CLSTN2: variants seen among roughly 807,000 people sequenced by gnomAD.
The protein encoded by CLSTN2 is calsyntenin 2.
Under a neutral mutation model 101.2 loss-of-function variants are expected in CLSTN2, and 48 were observed. The ratio of observed to expected loss-of-function variants is 0.47; its 90% CI spans 0.38 to 0.60. The LOEUF (loss-of-function observed/expected upper bound fraction) is 0.60, where lower values mean the gene tolerates loss of function less well. CLSTN2 is among the 20% of genes least tolerant of loss of function. The pLI is 0.00. For synonymous variants in CLSTN2, 481 were observed against 463.6 expected (o/e 1.04, Z -0.48); for missense variants, 1,160 against 1,238.2 (o/e 0.94, Z 0.95).
At chr3:140,556,053 A>G (rs569134132) in intron 10 of CLSTN2, among the ~76,000 whole-genome samples, 1 of 152,334 alleles carries the variant, frequency 6.6e-6, no homozygotes, top group Non-Finnish European at 1.5e-5. Context: ...TGAAGGTTGG[A>G]AGCTAAGAAG....
intron 2 of CLSTN2, among the ~76,000 whole-genome samples, chr3:140,353,831 T>C (rs1373782318): frequency 6.6e-6 from 1 of 152,230 alleles, no homozygotes; most frequent in Non-Finnish European, 1.5e-5. Flanking sequence ...ATATGAATGC[T>C]AGGTGGTGTT....
At chr3:140,469,760 G>T (rs1004367091) in intron 8 of CLSTN2, among the ~76,000 whole-genome samples, 2 of 152,144 alleles carry the variant, frequency 1.3e-5, no homozygotes, top group Non-Finnish European at 2.9e-5. Flanking sequence ...GTAAATGTTT[G>T]CATAACAGTG....
chr3:140,560,843 C>T (rs1935897703), intron 12 of CLSTN2, among the ~76,000 whole-genome samples: 1 of 152,096 alleles, frequency 6.6e-6, no homozygotes, highest in Admixed American at 6.5e-5. Context: ...TGTGGGAAGG[C>T]CATTGAAATA....
At position 139,935,747 on chromosome 3, in the gene CLSTN2, G is replaced by C. The variant is rs1935008943; in HGVS notation, c.109+264G>C. Among the ~76,000 whole-genome samples the C allele has an allele frequency of 6.6e-6, 1 of 151,896 alleles. No individual in the cohort carries two copies. The highest frequency in any genetic ancestry group is 2.4e-5 in the African/African-American group (1 of 41,348). ...TCTGGGGAGTACGGACAACTTTGAG[G>C]GCTGTCTGTGCCGGGGTGGGAGCGC... is the stretch of plus-strand genomic sequence containing the variant. On this transcript the variant is annotated intron_variant, in intron 1 of 16. Coordinates refer to ENST00000458420, the MANE Select transcript of CLSTN2 (RefSeq NM_022131.3). This position sits in a 1 kb window ranked among gnomAD's most constrained non-coding sequence, Gnocchi z 5.5.
chr3:140,522,653 C>T (rs1935055523), intron 8 of CLSTN2, among the ~76,000 whole-genome samples: 1 of 152,222 alleles, frequency 6.6e-6, no homozygotes, highest in Admixed American at 6.5e-5. Context: ...TCACCTCCAG[C>T]CACACATCTT....
intron 1 of CLSTN2, among the ~76,000 whole-genome samples, chr3:140,055,832 A>G (rs1420815374): frequency 2.0e-5 from 3 of 152,212 alleles, no homozygotes; most frequent in Non-Finnish European, 2.9e-5. Context: ...TAATGTGTAA[A>G]AGAAGAAAGG....
At chr3:140,036,592 T>A (rs1056998408) in intron 1 of CLSTN2, among the ~76,000 whole-genome samples, 38 of 152,254 alleles carry the variant, frequency 2.5e-4, no homozygotes, top group African/African-American at 8.7e-4. Flanking sequence ...CATTTGGATT[T>A]TCACTTTAAG....
intron 2 of CLSTN2, among the ~76,000 whole-genome samples, chr3:140,211,831 G>A (rs1049913726): frequency 1.3e-5 from 2 of 152,030 alleles, no homozygotes; most frequent in African/African-American, 4.8e-5. Context: ...AGAAAAAGAA[G>A]GAAAGAAAGA....
intron 8 of CLSTN2, among the ~76,000 whole-genome samples, chr3:140,504,912 A>C (rs1934656609): frequency 6.6e-6 from 1 of 152,186 alleles, no homozygotes; most frequent in Non-Finnish European, 1.5e-5. Context: ...GCTTTATATG[A>C]GACCAAAACT....
At chr3:140,259,632 C>T (rs534556598) in intron 2 of CLSTN2, among the ~76,000 whole-genome samples, 4 of 152,248 alleles carry the variant, frequency 2.6e-5, no homozygotes, top group African/African-American at 7.2e-5. Context: ...AGCCTTCCCT[C>T]CCACCTTTTC....
At chr3:139,985,755 T>C (rs1345868819) in intron 1 of CLSTN2, among the ~76,000 whole-genome samples, 3 of 152,178 alleles carry the variant, frequency 2.0e-5, no homozygotes, top group Non-Finnish European at 4.4e-5. Flanking sequence ...GTATTCAAGG[T>C]CTGGTTGCCA....
chr3:140,137,619 G>T (rs945056197), intron 1 of CLSTN2, among the ~76,000 whole-genome samples: 1 of 152,164 alleles, frequency 6.6e-6, no homozygotes, highest in Non-Finnish European at 1.5e-5. Flanking sequence ...ATTTGAATGT[G>T]TTTGGCATTG....
chr3:140,485,010 T>C (rs1188923392), intron 8 of CLSTN2, among the ~76,000 whole-genome samples: 1 of 152,222 alleles, frequency 6.6e-6, no homozygotes, highest in Non-Finnish European at 1.5e-5. Context: ...TGAGGAGCTG[T>C]GTTCCTTTGG....
At position 140,522,612 on chromosome 3, in the gene CLSTN2, C is replaced by T. The variant is rs542785348; in HGVS notation, c.1345-9712C>T. ...CTAAAATAAGGTAACACACTCCTTA[C>T]TGTAGCATGCTAGTCCGCTAGAGCC... On this transcript the variant is annotated intron_variant, in intron 8 of 16. Transcript: ENST00000458420. Among the ~76,000 whole-genome samples the T allele has an allele frequency of 5.3e-5, 8 of 152,358 alleles. 1 individual carries two copies. The highest frequency in any genetic ancestry group is 1.3e-4 in the Admixed American group (2 of 15,312).
intron 1 of CLSTN2, among the ~76,000 whole-genome samples, chr3:139,998,336 CTTTT>C (rs60541490): frequency 1.6e-4 from 11 of 66,812 alleles, no homozygotes; most frequent in African/African-American, 2.9e-4. Context: ...CCCCACATGC[CTTTT>C]TTTTTTTTTT....
chr3:140,362,228 C>T (rs1294707405), intron 2 of CLSTN2, among the ~76,000 whole-genome samples: 1 of 152,120 alleles, frequency 6.6e-6, no homozygotes, highest in Non-Finnish European at 1.5e-5. Context: ...GCAGTTGTTG[C>T]AACAAATAGT....
intron 1 of CLSTN2, among the ~76,000 whole-genome samples, chr3:140,104,308 A>C (rs2107791524): frequency 6.6e-6 from 1 of 152,232 alleles, no homozygotes; most frequent in East Asian, 1.9e-4. Flanking sequence ...GAAGTATACC[A>C]CCCACACTTG....
intron 1 of CLSTN2, among the ~76,000 whole-genome samples, chr3:139,949,145 T>C (rs1230571470): frequency 1.3e-5 from 2 of 152,226 alleles, no homozygotes; most frequent in Non-Finnish European, 2.9e-5. Context: ...CTTCATTATG[T>C]GGCTCCCATA....
intron 2 of CLSTN2, among the ~76,000 whole-genome samples, chr3:140,255,156 G>A (rs1377688232): frequency 2.0e-5 from 3 of 152,164 alleles, no homozygotes; most frequent in African/African-American, 7.2e-5. Context: ...AATAACAGGT[G>A]CTAGTGAGAT....
Sources: allele counts gnomAD v4.1 joint callset (sites outside exome capture counted in the v4.1 genomes callset), GRCh38; gene constraint gnomAD v4.1.1; non-coding constraint Gnocchi (gnomAD v3.1); transcripts MANE v1.5; gene names NCBI Gene and HGNC (gene_info 2026-07-23, HGNC 2026-07-21).